Variants in JAZF1 observed in about 807,000 individuals in gnomAD.
JAZF1 encodes the protein JAZF zinc finger 1.
Under a neutral mutation model 26.4 loss-of-function variants are expected in JAZF1, and 8 were observed. That is an observed-to-expected ratio of 0.30 (90% confidence interval 0.18 to 0.55). The LOEUF is 0.55. JAZF1 is among the 20% of genes least tolerant of loss of function. The pLI is 0.94. For synonymous variants in JAZF1, 126 were observed against 122.3 expected (o/e 1.03, Z -0.20); for missense variants, 199 against 322.0 (o/e 0.62, Z 2.92).
chr7:27,978,580 G>A (rs769831573), intron 2 of JAZF1, among the ~76,000 whole-genome samples: 4 of 152,234 alleles, frequency 2.6e-5, no homozygotes, highest in Admixed American at 6.5e-5. Context: ...AGGGTTCCTC[G>A]GGGAAGTTGA....
chr7:27,969,351 C>T (rs950895118), intron 2 of JAZF1, among the ~76,000 whole-genome samples: 5 of 151,998 alleles, frequency 3.3e-5, no homozygotes, highest in Non-Finnish European at 7.4e-5. Context: ...CCGGCCCTAC[C>T]AACTGTAAAT....
At chr7:28,009,487 CT>C (rs758716307) in intron 1 of JAZF1, among the ~76,000 whole-genome samples, 273 of 143,552 alleles carry the variant, frequency 1.9e-3, no homozygotes, top group Admixed American at 2.0e-3. Flanking sequence ...AATACCATTG[CT>C]TTTTTTTTTT....
rs1368873651 is a variant in JAZF1 at position 27,979,405 on chromosome 7, T to TTTTTTTTC, written c.188+12503_188+12504insGAAAAAAA. Among the ~76,000 whole-genome samples the TTTTTTTTC allele has an allele frequency of 6.1e-4, 51 of 84,246 alleles. 13 individuals are homozygous for TTTTTTTTC. In the East Asian group the frequency reaches 0.01, roughly 17 times the overall value. The allele number at this position is 84,246 out of a possible 152,430, so 55.3% of individuals were successfully genotyped here. Reference sequence around the variant, plus strand: ...TTTTTTTTTTTTTTTTTTTTTTTTTTAGAAACAGAGTCTTGTTCTATCACC... The same window carrying TTTTTTTTC: ...TTTTTTTTTTTTTTTTTTTTTTTTTTTTTTTTTCAGAAACAGAGTCTTGTTCTATCACC... On this transcript the variant is annotated intron_variant, in intron 2 of 4. Transcript: ENST00000283928.
chr7:27,926,634 G>A (rs746349924), intron 2 of JAZF1, among the ~76,000 whole-genome samples: 3 of 152,190 alleles, frequency 2.0e-5, no homozygotes, highest in Non-Finnish European at 4.4e-5. Flanking sequence ...CAATACAAAT[G>A]TTGTGTGAAT....
intron 2 of JAZF1, among the ~76,000 whole-genome samples, chr7:27,923,736 G>A (rs759775960): frequency 1.6e-4 from 25 of 152,176 alleles, no homozygotes; most frequent in Non-Finnish European, 3.2e-4. Context: ...TAGGCCAAAC[G>A]TATTTGCATA....
intron 3 of JAZF1, among the ~76,000 whole-genome samples, chr7:27,874,156 A>G (rs1314590872): frequency 2.6e-5 from 4 of 152,230 alleles, no homozygotes; most frequent in Non-Finnish European, 5.9e-5. Flanking sequence ...ACTGCCCAGG[A>G]AGGCTGGCTC....
intron 3 of JAZF1, among the ~76,000 whole-genome samples, chr7:27,850,638 T>A (rs984436125): frequency 7.9e-5 from 12 of 152,208 alleles, no homozygotes; most frequent in African/African-American, 2.9e-4. Context: ...GGACCCAAGA[T>A]AACACAGCTT....
intron 2 of JAZF1, among the ~76,000 whole-genome samples, chr7:27,952,049 G>C (rs1172260182): frequency 2.0e-5 from 3 of 152,170 alleles, no homozygotes; most frequent in Non-Finnish European, 2.9e-5. Flanking sequence ...GACTAGGCAG[G>C]TGGGGTGGGC....
chr7:28,117,192 G>A (rs1445662205), intron 1 of JAZF1, among the ~76,000 whole-genome samples: 1 of 151,900 alleles, frequency 6.6e-6, no homozygotes, highest in Admixed American at 6.6e-5. Flanking sequence ...TTTGCTTATG[G>A]CATTTTTTTA....
chr7:28,146,490 T>C (rs544911464), intron 1 of JAZF1, among the ~76,000 whole-genome samples: 3 of 152,210 alleles, frequency 2.0e-5, no homozygotes, highest in Non-Finnish European at 4.4e-5. Context: ...GTACTGTAAG[T>C]ACTAATTAAG....
In JAZF1 at chr7:27,840,693, G is replaced by C. The variant is rs1462432755; in HGVS notation, c.555+5C>G. ...GTTATGCCAAGCATGCAGCACCTCT[G>C]TTACCTTGTATCTCTTTTTACATCC... On this transcript the variant is annotated splice_donor_5th_base_variant and intron_variant, in intron 4 of 4. Transcript: ENST00000283928. This position sits in a 1 kb window ranked among gnomAD's most constrained non-coding sequence, Gnocchi z 5.1. 2 of 1,613,918 alleles carry C rather than the reference G, an allele frequency of 1.2e-6. No homozygotes were observed. The highest frequency in any genetic ancestry group is 2.2e-5 in the South Asian group (2 of 91,068).
chr7:28,110,577 GGGAAAAGGAAAA>G (rs1413234631), intron 1 of JAZF1, among the ~76,000 whole-genome samples: 1 of 114,148 alleles, frequency 8.8e-6, no homozygotes, highest in African/African-American at 3.7e-5. Flanking sequence ...AAAAGGGAAA[GGGAAAAGGAAAA>G]GGAAAAGGAA....
At chr7:28,136,046 T>C (rs1464012752) in intron 1 of JAZF1, among the ~76,000 whole-genome samples, 1 of 152,220 alleles carries the variant, frequency 6.6e-6, no homozygotes, top group East Asian at 1.9e-4. Flanking sequence ...ATTTCATTCT[T>C]CTGAAATGTA....
chr7:28,122,592 G>A (rs1583572672), intron 1 of JAZF1, among the ~76,000 whole-genome samples: 1 of 152,148 alleles, frequency 6.6e-6, no homozygotes, highest in Non-Finnish European at 1.5e-5. Flanking sequence ...CAGTGGCTGA[G>A]GAACCAGCTG....
At chr7:27,833,191 G>C (rs192843954) in intron 4 of JAZF1, 4 of 344,078 alleles carry the variant, frequency 1.2e-5, no homozygotes, top group African/African-American at 6.3e-5. Context: ...CAAAATTTCA[G>C]ATGTGCCTCA....
intron 1 of JAZF1, among the ~76,000 whole-genome samples, chr7:28,110,974 G>A (rs918858805): frequency 1.1e-4 from 16 of 152,124 alleles, no homozygotes; most frequent in African/African-American, 3.6e-4. Flanking sequence ...AAAAACTAGG[G>A]TGGGGGAAAA....
At chr7:28,045,640 G>A (rs1388428498) in intron 1 of JAZF1, among the ~76,000 whole-genome samples, 1 of 152,112 alleles carries the variant, frequency 6.6e-6, no homozygotes, top group Non-Finnish European at 1.5e-5. Flanking sequence ...ATAGTGACAT[G>A]CTCATAGCTC....
At chr7:28,067,725 TCA>T (rs1227374003) in intron 1 of JAZF1, among the ~76,000 whole-genome samples, 2 of 152,320 alleles carry the variant, frequency 1.3e-5, no homozygotes, top group African/African-American at 4.8e-5. Context: ...TTGTTAAATC[TCA>T]GTGTCAAAAT....
chr7:27,901,118 A>G (rs1021313522), intron 2 of JAZF1, among the ~76,000 whole-genome samples: 1 of 152,182 alleles, frequency 6.6e-6, no homozygotes, highest in Non-Finnish European at 1.5e-5. Flanking sequence ...TCTTTCACTC[A>G]CTGTTGACTA....
Sources: gnomAD v4.1 joint callset for allele counts (sites outside exome capture counted in the v4.1 genomes callset) on GRCh38, gnomAD v4.1.1 for gene constraint, Gnocchi (gnomAD v3.1) non-coding constraint, MANE v1.5 for transcripts, NCBI Gene and HGNC (gene_info 2026-07-23, HGNC 2026-07-21) for gene names.